The following KHDRBS2 variants were observed in gnomAD, a reference collection of about 807,000 sequenced individuals.
KHDRBS2 encodes the protein KH domain-containing, RNA-binding, signal transduction-associated protein 2.
KHDRBS2 carries 26 observed loss-of-function variants against 44.3 expected under a neutral mutation model. The ratio of observed to expected loss-of-function variants is 0.59; its 90% CI spans 0.43 to 0.81. The LOEUF (loss-of-function observed/expected upper bound fraction) is 0.81, where lower values mean the gene tolerates loss of function less well. Among genes scored for constraint, KHDRBS2 ranks in the 40% least tolerant of loss-of-function variants. The probability of loss-of-function intolerance (pLI) is 0.00; values close to 1 mark genes in which losing one functional copy is unlikely to be tolerated. For synonymous variants in KHDRBS2, 194 were observed against 151.1 expected, an observed-to-expected ratio of 1.28 and a Z score of -2.08; for missense variants, 476 against 433.1, an observed-to-expected ratio of 1.10 and a Z score of -0.88.
the KHDRBS2 span, among the ~76,000 whole-genome samples, chr6:61,669,557 G>T: frequency 6.6e-6 from 1 of 150,724 alleles, no homozygotes; most frequent in African/African-American, 2.4e-5. Flanking sequence ...ATATTAATAT[G>T]TTTATAGACT....
rs146368437 is a variant in KHDRBS2, at chr6:61,745,789, G to A, written c.811-13025C>T. On this transcript the variant is annotated intron_variant, in intron 6 of 8. Transcript: ENST00000281156. The stretch of plus-strand genomic sequence containing the variant: ...TTGTTTCTAAAAGGGTCTTTTTCAC[G>A]GCCAATTATTTATATAGTGCCTTGA... 8.4e-3 allele frequency among the ~76,000 whole-genome samples: 1,280 copies of A among 152,056 alleles called. 19 individuals are homozygous for A. Among genetic ancestry groups the A allele is most frequent in the African/African-American group, 0.029 (1,193 of 41,486 alleles).
chr6:61,675,092 T>A (rs76828113), downstream of KHDRBS2, among the ~76,000 whole-genome samples: 167 of 151,864 alleles, frequency 1.1e-3, no homozygotes, highest in Admixed American at 3.1e-3. Context: ...TAGATTATTA[T>A]GAACCACAGT....
At chr6:62,247,161 C>T (rs944402288) in intron 1 of KHDRBS2, among the ~76,000 whole-genome samples, 3 of 151,970 alleles carry the variant, frequency 2.0e-5, no homozygotes, top group African/African-American at 7.2e-5. Flanking sequence ...TAAAAATCTA[C>T]CTACTAGGGC....
chr6:62,025,642 T>C (rs1783168242), intron 3 of KHDRBS2, among the ~76,000 whole-genome samples: 1 of 152,036 alleles, frequency 6.6e-6, no homozygotes, highest in Non-Finnish European at 1.5e-5. Flanking sequence ...TTTTTTTTAA[T>C]ACTTTTTTTG....
intron 7 of KHDRBS2, among the ~76,000 whole-genome samples, chr6:61,721,036 A>C (rs1444408227): frequency 6.6e-6 from 1 of 151,410 alleles, no homozygotes; most frequent in Non-Finnish European, 1.5e-5. Flanking sequence ...TAAATAGGGA[A>C]TCCTTTCCCC....
chr6:61,814,566 A>G (rs752234380), intron 6 of KHDRBS2, among the ~76,000 whole-genome samples: 5 of 152,150 alleles, frequency 3.3e-5, no homozygotes, highest in Admixed American at 6.5e-5. Context: ...AGATCGCACC[A>G]TGGCACTCCA....
chr6:62,061,669 G>C (rs1354146866), intron 2 of KHDRBS2, among the ~76,000 whole-genome samples: 3 of 151,170 alleles, frequency 2.0e-5, no homozygotes, highest in East Asian at 3.9e-4. Context: ...TGCTCTTCTT[G>C]AGGAGTATCT....
intron 6 of KHDRBS2, among the ~76,000 whole-genome samples, chr6:61,853,080 A>G (rs1795684634): frequency 6.6e-6 from 1 of 152,170 alleles, no homozygotes; most frequent in African/African-American, 2.4e-5. Context: ...TCTGGCTATG[A>G]ACACAGATTC....
At chr6:62,231,661 T>C (rs1427883503) in intron 1 of KHDRBS2, among the ~76,000 whole-genome samples, 4 of 152,200 alleles carry the variant, frequency 2.6e-5, no homozygotes, top group Non-Finnish European at 5.9e-5. Context: ...ATTATGCATA[T>C]CAGGTGCAGC....
chr6:61,663,027 G>T, the KHDRBS2 span, among the ~76,000 whole-genome samples: 4 of 151,852 alleles, frequency 2.6e-5, no homozygotes, highest in Non-Finnish European at 4.4e-5. Context: ...TAGACTGGAT[G>T]AAGAAAATGT....
intron 1 of KHDRBS2, among the ~76,000 whole-genome samples, chr6:62,246,130 ATATAT>A (rs1835531952): frequency 7.3e-6 from 1 of 136,958 alleles, no homozygotes; most frequent in South Asian, 2.4e-4. Context: ...ATATATATAT[ATATAT>A]AATCAATGTT....
chr6:61,799,963 G>C (rs571772257), intron 6 of KHDRBS2, among the ~76,000 whole-genome samples: 1 of 151,996 alleles, frequency 6.6e-6, no homozygotes, highest in South Asian at 2.1e-4. Flanking sequence ...ATATATGCTA[G>C]TATTCATATA....
the KHDRBS2 span, among the ~76,000 whole-genome samples, chr6:61,544,777 G>A: frequency 1.3e-5 from 2 of 152,088 alleles, no homozygotes; most frequent in Non-Finnish European, 2.9e-5. Context: ...TGTGTCCTTT[G>A]TAGGGACATG....
At chr6:61,949,005 G>A (rs1384094348) in intron 4 of KHDRBS2, among the ~76,000 whole-genome samples, 1 of 151,928 alleles carries the variant, frequency 6.6e-6, no homozygotes, top group Non-Finnish European at 1.5e-5. Context: ...GAAGAAACTC[G>A]ACTATTCAGC....
the KHDRBS2 span, among the ~76,000 whole-genome samples, chr6:61,608,563 T>C: frequency 6.6e-6 from 1 of 152,080 alleles, no homozygotes; most frequent in African/African-American, 2.4e-5. Context: ...ACATTAAGTA[T>C]CCCTCCTAAT....
In KHDRBS2 at chr6:62,175,485, G is replaced by T. The variant is rs193199865; in HGVS notation, c.219+1700C>A. 8.2e-3 allele frequency among the ~76,000 whole-genome samples: 1,245 copies of T among 151,644 alleles called. 10 individuals are homozygous for T. The highest frequency in any genetic ancestry group is 0.014 in the Non-Finnish European group (940 of 67,558). Reference sequence around the variant, plus strand: ...TGAAGAATCTAAAATTATAGTAACTGCACTAAAGATTTCCATCTATAACAG... The same window carrying T: ...TGAAGAATCTAAAATTATAGTAACTTCACTAAAGATTTCCATCTATAACAG... On this transcript the variant is annotated intron_variant, in intron 2 of 8. Transcript: ENST00000281156.
At chr6:61,954,956 A>G (rs1262226192) in intron 4 of KHDRBS2, among the ~76,000 whole-genome samples, 1 of 142,282 alleles carries the variant, frequency 7.0e-6, no homozygotes, top group Non-Finnish European at 1.5e-5. Flanking sequence ...ATACATATAT[A>G]TGTATATATA....
intron 3 of KHDRBS2, among the ~76,000 whole-genome samples, chr6:61,996,362 C>T (rs1777163775): frequency 6.6e-6 from 1 of 152,134 alleles, no homozygotes; most frequent in African/African-American, 2.4e-5. Flanking sequence ...ACATTAAATA[C>T]AAGAGACAAA....
chr6:62,073,253 T>A (rs1180523570), intron 2 of KHDRBS2, among the ~76,000 whole-genome samples: 1 of 151,866 alleles, frequency 6.6e-6, no homozygotes, highest in African/African-American at 2.4e-5. Context: ...CATAGTTCTA[T>A]ACAGATTTTC....
Sources: gnomAD v4.1 joint callset for allele counts (sites outside exome capture counted in the v4.1 genomes callset) on GRCh38, gnomAD v4.1.1 for gene constraint, MANE v1.5 for transcripts, NCBI Gene and HGNC (gene_info 2026-07-23, HGNC 2026-07-21) for gene names.